Variants in STX19 observed in about 807,000 individuals in gnomAD.
STX19 encodes syntaxin-19.
STX19 carries 26 observed loss-of-function variants against 24.3 expected under a neutral mutation model. The ratio of observed to expected loss-of-function variants is 1.07; its 90% CI spans 0.78 to 1.48. The LOEUF is 1.48. Ranked by LOEUF, STX19 falls within the 40% of genes most tolerant of loss-of-function variation. The pLI, the probability that STX19 is intolerant of heterozygous loss-of-function variation, is 0.00. For synonymous variants in STX19, 116 were observed against 106.9 expected (o/e 1.09, Z -0.52); for missense variants, 367 against 331.9 (o/e 1.11, Z -0.82).
chr3:94,016,459 G>C (rs1473790983), intron 1 of STX19, among the ~76,000 whole-genome samples: 4 of 152,048 alleles, frequency 2.6e-5, no homozygotes, highest in Admixed American at 2.0e-4. Flanking sequence ...TTGAAGTACA[G>C]GGTAGGGATT....
intron 1 of STX19, among the ~76,000 whole-genome samples, chr3:94,019,649 C>T (rs572819944): frequency 6.6e-5 from 10 of 150,798 alleles, no homozygotes; most frequent in African/African-American, 2.2e-4. Flanking sequence ...TAGGTCAGAC[C>T]ATGTCATTCC....
At position 94,014,389 on chromosome 3, in the gene STX19, T is replaced by G; in HGVS notation, c.881A>C (p.Lys294Thr). Residue 294 changes from lysine to threonine, a missense_variant, in exon 2 of 2, where the codon AAA becomes ACA. Lys to Thr is a moderately conservative substitution (Grantham distance 78). Transcript: ENST00000315099. ...AAAAGTTTTAAAATAGCTTCTTTAT[T>G]TTGAGCTACAGCATGGACAGCACCA... ...CCWCCPCCSSK is the reference protein window; with the variant it reads ...CCWCCPCCSST The G allele has an allele frequency of 1.3e-6, 2 of 1,520,040 alleles. No individual in the cohort carries two copies. Among genetic ancestry groups the G allele is most frequent in the Middle Eastern group, 1.8e-4 (1 of 5,596 alleles). 94.2% of individuals were successfully genotyped at this position (1,520,040 alleles called of 1,614,324 possible).
Position 94,014,820 on chromosome 3 carries a change from TATA to T in STX19, c.447_449del (p.Phe149_Ile150delinsLeu), listed in dbSNP as rs1324352401. ...GCTTTGCTGCTATTGTGTCATTGTATATAAACATGATTTGCTGAAAATGGCGGA... is the reference window on the plus strand; with the variant it reads ...GCTTTGCTGCTATTGTGTCATTGTATAACATGATTTGCTGAAAATGGCGGA... On this transcript the variant is annotated inframe_deletion, in exon 2 of 2. Coordinates refer to ENST00000315099, the MANE Select transcript of STX19 (RefSeq NM_001001850.3). 6.2e-7 allele frequency: 1 copy of T among 1,614,010 alleles called. No homozygotes were observed. Among genetic ancestry groups the T allele is most frequent in the African/African-American group, 1.3e-5 (1 of 74,952 alleles).
At chr3:94,026,728 A>T (rs1466929805) in intron 1 of STX19, among the ~76,000 whole-genome samples, 1 of 152,194 alleles carries the variant, frequency 6.6e-6, no homozygotes, top group African/African-American at 2.4e-5. Context: ...TCTGTTATGT[A>T]CCTTAAATTT....
chr3:94,021,105 A>G (rs2076438389), intron 1 of STX19, among the ~76,000 whole-genome samples: 1 of 151,962 alleles, frequency 6.6e-6, no homozygotes, highest in South Asian at 2.1e-4. Context: ...GTCAGGAGGA[A>G]TATTAGACGA....
At chr3:94,020,460 A>G (rs1225411151) in intron 1 of STX19, among the ~76,000 whole-genome samples, 1 of 152,142 alleles carries the variant, frequency 6.6e-6, no homozygotes, top group African/African-American at 2.4e-5. Flanking sequence ...AGCATACTAG[A>G]GCATAGTAAC....
Position 94,026,145 on chromosome 3 carries a change from G to A in STX19, c.-14+2222C>T, listed in dbSNP as rs552452726. Among the ~76,000 whole-genome samples, 18 of 151,890 alleles carry A rather than the reference G, an allele frequency of 1.2e-4. No individual in the cohort carries two copies. In the East Asian group the frequency reaches 3.5e-3, roughly 29 times the overall value. ...CGCCATTCTCCTGCCTCAGCCTCCA[G>A]AGTAGCTGGGACTACAGGCGCCCGC... On this transcript the variant is annotated intron_variant, in intron 1 of 1. Coordinates refer to ENST00000315099, the MANE Select transcript of STX19 (RefSeq NM_001001850.3).
chr3:94,026,056 G>C (rs1191022070), intron 1 of STX19, among the ~76,000 whole-genome samples: 2 of 138,156 alleles, frequency 1.4e-5, no homozygotes, highest in Non-Finnish European at 3.1e-5. Flanking sequence ...GTCTCTCTCT[G>C]TCGCCCAGGC....
intron 1 of STX19, among the ~76,000 whole-genome samples, chr3:94,027,052 C>A: frequency 6.6e-6 from 1 of 151,980 alleles, no homozygotes; most frequent in East Asian, 1.9e-4. Flanking sequence ...GGGATAGATA[C>A]TTAGTGTATT....
chr3:94,027,756 CTTACG>C (rs2076587679), intron 1 of STX19, among the ~76,000 whole-genome samples: 2 of 147,976 alleles, frequency 1.4e-5, no homozygotes, highest in Admixed American at 1.4e-4. Context: ...AATGCTAACA[CTTACG>C]TTAAATGGTA....
At chr3:94,021,541 A>G (rs1187569762) in intron 1 of STX19, among the ~76,000 whole-genome samples, 1 of 152,158 alleles carries the variant, frequency 6.6e-6, no homozygotes, top group Non-Finnish European at 1.5e-5. Context: ...TAGATACTTA[A>G]AGACATGTAA....
Position 94,015,213 on chromosome 3 carries a change from T to C in STX19, c.57A>G (p.Arg19=), listed in dbSNP as rs755362007. 1 of 1,595,994 alleles carries C rather than the reference T, an allele frequency of 6.3e-7. No individual in the cohort carries two copies. The change falls in exon 2 of 2, where the codon AGA becomes AGG. Residue 19 remains arginine (R), a synonymous_variant. Coordinates refer to ENST00000315099, the MANE Select transcript of STX19 (RefSeq NM_001001850.3). ...KQRTKEIELS[R]DSHVSTTETE... Reference sequence around the variant, plus strand: ...TTTCTGTAGTTGATACATGACTGTCTCTAGAGAGTTCAATTTCCTTTGTTC... The same window carrying C: ...TTTCTGTAGTTGATACATGACTGTCCCTAGAGAGTTCAATTTCCTTTGTTC...
rs2076399334 is a variant in STX19, at chr3:94,019,301, A to C, written c.-13-4019T>G. Among the ~76,000 whole-genome samples the C allele has an allele frequency of 2.0e-5, 3 of 151,632 alleles. No homozygotes were observed. The South Asian group carries it at 6.2e-4, about 32-fold the overall frequency. On this transcript the variant is annotated intron_variant, in intron 1 of 1. Transcript: ENST00000315099. ...ACCCTCCATCTCCCAGGTTCAATCG[A>C]TTCTTCTGCCTCAGCCTCCCGAGTA...
intron 1 of STX19, among the ~76,000 whole-genome samples, chr3:94,023,350 G>GA (rs1179811225): frequency 6.6e-6 from 1 of 151,738 alleles, no homozygotes; most frequent in Non-Finnish European, 1.5e-5. Flanking sequence ...TTCCTTTCAT[G>GA]AAATTCTTGA....
chr3:94,019,441 C>T (rs570841630), intron 1 of STX19, among the ~76,000 whole-genome samples: 1 of 152,162 alleles, frequency 6.6e-6, no homozygotes, highest in South Asian at 2.1e-4. Context: ...ATGATCCGCC[C>T]ATCTTGGCTT....
chr3:94,025,466 G>T (rs914748108), intron 1 of STX19, among the ~76,000 whole-genome samples: 13 of 152,138 alleles, frequency 8.5e-5, no homozygotes, highest in African/African-American at 2.9e-4. Flanking sequence ...GAATATTTAT[G>T]TGAAAGATCC....
intron 1 of STX19, among the ~76,000 whole-genome samples, chr3:94,025,402 T>G (rs566636906): frequency 6.6e-6 from 1 of 152,338 alleles, no homozygotes; most frequent in East Asian, 1.9e-4. Context: ...AAGGTTATAC[T>G]GTGTTTGTCT....
At chr3:94,018,496 C>T (rs1232696578) in intron 1 of STX19, among the ~76,000 whole-genome samples, 8 of 152,128 alleles carry the variant, frequency 5.3e-5, no homozygotes, top group Non-Finnish European at 1.2e-4. Flanking sequence ...TTATCTCCCC[C>T]ACCTGTAAAT....
intron 1 of STX19, among the ~76,000 whole-genome samples, chr3:94,024,515 G>T (rs990512040): frequency 6.6e-6 from 1 of 152,152 alleles, no homozygotes; most frequent in African/African-American, 2.4e-5. Flanking sequence ...TGCATGGTTT[G>T]GAACAAATCC....
Sources: gnomAD v4.1 joint callset for allele counts (sites outside exome capture counted in the v4.1 genomes callset) on GRCh38, gnomAD v4.1.1 for gene constraint, MANE v1.5 for transcripts, NCBI Gene and HGNC (gene_info 2026-07-23, HGNC 2026-07-21) for gene names.